Variants in ANO4 observed in about 807,000 individuals in gnomAD.
ANO4 encodes the protein anoctamin 4, also known as anoctamin-4.
ANO4 carries 69 observed loss-of-function variants against 141.9 expected under a neutral mutation model. The observed-to-expected ratio is 0.49, with a 90% confidence interval of 0.40 to 0.59. ANO4 has a LOEUF of 0.59. ANO4 is among the 20% of genes least tolerant of loss of function. The pLI is 0.00. For synonymous variants in ANO4, 350 were observed against 394.3 expected (o/e 0.89, Z 1.33); for missense variants, 894 against 1,162.2 (o/e 0.77, Z 3.36).
intron 8 of ANO4, among the ~76,000 whole-genome samples, chr12:101,001,499 C>A (rs2045637910): frequency 6.6e-6 from 1 of 152,310 alleles, no homozygotes; most frequent in African/African-American, 2.4e-5. Context: ...AACTCAGAAA[C>A]ATTAAATACT....
chr12:101,038,645 C>T (rs185010824), intron 10 of ANO4: 1 of 152,282 alleles, frequency 6.6e-6, no homozygotes, highest in Non-Finnish European at 1.5e-5. Flanking sequence ...TCAGATATTG[C>T]TGCTCTTGTT....
intron 3 of ANO4, among the ~76,000 whole-genome samples, chr12:100,749,708 G>C (rs866435223): frequency 6.6e-6 from 1 of 152,314 alleles, no homozygotes; most frequent in Middle Eastern, 3.4e-3. Flanking sequence ...TTAAAGCTGT[G>C]TTGAATGTGA....
chr12:100,762,808 C>T (rs1446623029), intron 3 of ANO4, among the ~76,000 whole-genome samples: 1 of 152,156 alleles, frequency 6.6e-6, no homozygotes, highest in Non-Finnish European at 1.5e-5. Context: ...TGCATTAATC[C>T]ACTAGAATGC....
intron 3 of ANO4, among the ~76,000 whole-genome samples, chr12:100,923,845 G>A (rs1444482286): frequency 6.6e-6 from 1 of 152,164 alleles, no homozygotes; most frequent in Non-Finnish European, 1.5e-5. Flanking sequence ...TGTGTTAGAT[G>A]GTATCTCATG....
At chr12:101,047,631 A>G (rs149933065) in intron 13 of ANO4, among the ~76,000 whole-genome samples, 64 of 152,288 alleles carry the variant, frequency 4.2e-4, no homozygotes, top group African/African-American at 1.4e-3. Context: ...TTTGTCATGG[A>G]CATTGGTATT....
At chr12:101,067,804 G>A (rs777036531) in intron 14 of ANO4, among the ~76,000 whole-genome samples, 86 of 152,214 alleles carry the variant, frequency 5.6e-4, no homozygotes, top group Non-Finnish European at 7.8e-4. Flanking sequence ...CTGCCATGCA[G>A]ACTGAAGAAT....
intron 5 of ANO4, among the ~76,000 whole-genome samples, chr12:100,966,995 G>A (rs1230737977): frequency 1.2e-4 from 18 of 151,812 alleles, no homozygotes; most frequent in Admixed American, 1.2e-3. Context: ...ACTGTTGCAA[G>A]GACTGTGACT....
At chr12:100,887,024 A>G (rs556218722) in intron 1 of ANO4, among the ~76,000 whole-genome samples, 1 of 152,222 alleles carries the variant, frequency 6.6e-6, no homozygotes, top group South Asian at 2.1e-4. Flanking sequence ...GTTGTTGGGG[A>G]CAATAGATTG....
intron 3 of ANO4, among the ~76,000 whole-genome samples, chr12:100,923,585 C>T (rs7977511): frequency 0.065 from 9,888 of 151,988 alleles, 408 homozygotes; most frequent in African/African-American, 0.074. Context: ...TGAATAGTGC[C>T]GCAATAAACA....
rs1199199462 is a variant in ANO4 at position 101,043,605 on chromosome 12, G to A, written c.1221G>A (p.Met407Ile). 1.2e-6 allele frequency: 2 copies of A among 1,613,402 alleles called. No individual in the cohort carries two copies. Among genetic ancestry groups the A allele is most frequent in the East Asian group, 4.5e-5 (2 of 44,858 alleles). Residue 407 changes from methionine (M) to isoleucine (I), a missense_variant, in exon 13 of 28, where the codon ATG (methionine) becomes ATA (isoleucine). Around this residue, in one of 2 missense-constraint regions of ANO4, gnomAD observed 637 missense variants for 909.2 expected, o/e 0.70. Transcript: ENST00000392977. ...CPVCDKYCPF[M>I]RLSDSCVYAK... ...TGTGTGATAAATACTGTCCATTCATGAGGCTGTCAGACAGCTGTGTATATG... is the reference window on the plus strand; with the variant it reads ...TGTGTGATAAATACTGTCCATTCATAAGGCTGTCAGACAGCTGTGTATATG...
chr12:100,975,997 C>T (rs919660558), intron 7 of ANO4, among the ~76,000 whole-genome samples: 4 of 150,242 alleles, frequency 2.7e-5, no homozygotes, highest in African/African-American at 4.9e-5. Flanking sequence ...TTGTATCCTC[C>T]GAAAGCTTGT....
intron 1 of ANO4, among the ~76,000 whole-genome samples, chr12:100,826,185 A>C (rs1399044569): frequency 6.6e-6 from 1 of 152,066 alleles, no homozygotes; most frequent in African/African-American, 2.4e-5. Context: ...TAACAGAGTG[A>C]AAAATTGAAA....
intron 22 of ANO4, among the ~76,000 whole-genome samples, chr12:101,103,183 T>TATATATATATATA (rs1197565753): frequency 1.6e-4 from 3 of 18,604 alleles, no homozygotes; most frequent in African/African-American, 2.0e-4. Context: ...TTTAGTCATT[T>TATATATATATATA]TATATATATA....
At chr12:100,839,386 A>G (rs891749585) in intron 1 of ANO4, among the ~76,000 whole-genome samples, 2 of 152,212 alleles carry the variant, frequency 1.3e-5, no homozygotes, top group South Asian at 4.1e-4. Flanking sequence ...GTAGATTCCA[A>G]CTGCAAATAA....
At chr12:100,927,882 A>G (rs992160913) in intron 3 of ANO4, among the ~76,000 whole-genome samples, 1 of 152,128 alleles carries the variant, frequency 6.6e-6, no homozygotes, top group Non-Finnish European at 1.5e-5. Flanking sequence ...CTGATGAAGG[A>G]AAGAGGGCAC....
intron 14 of ANO4, among the ~76,000 whole-genome samples, chr12:101,057,200 C>A (rs1332329357): frequency 2.6e-5 from 4 of 152,088 alleles, no homozygotes; most frequent in African/African-American, 7.2e-5. Context: ...TTTTTTATGG[C>A]TGCATAGTAT....
chr12:100,996,618 G>A (rs558837338), intron 8 of ANO4, among the ~76,000 whole-genome samples: 1 of 152,334 alleles, frequency 6.6e-6, no homozygotes, highest in South Asian at 2.1e-4. Flanking sequence ...CTGGGAGGCG[G>A]AGGTTGCAGT....
At chr12:100,888,615 T>C (rs2039953867) in intron 1 of ANO4, among the ~76,000 whole-genome samples, 1 of 152,222 alleles carries the variant, frequency 6.6e-6, no homozygotes, top group Non-Finnish European at 1.5e-5. Context: ...TGTGCCTCCA[T>C]TGGCTGAGGC....
At chr12:101,040,551 A>G (rs527253069) in intron 11 of ANO4, among the ~76,000 whole-genome samples, 1 of 152,336 alleles carries the variant, frequency 6.6e-6, no homozygotes, top group Admixed American at 6.5e-5. Flanking sequence ...TAATCTGCAG[A>G]TCAAAAAGTA....
Sources: allele counts gnomAD v4.1 joint callset (sites outside exome capture counted in the v4.1 genomes callset), GRCh38; gene constraint gnomAD v4.1.1; regional missense constraint gnomAD v4.1.1; transcripts MANE v1.5; gene names NCBI Gene and HGNC (gene_info 2026-07-23, HGNC 2026-07-21).